KMO: variants seen among roughly 807,000 people sequenced by gnomAD.
KMO encodes kynurenine 3-hydroxylase.
Under a neutral mutation model 57.8 loss-of-function variants are expected in KMO, and 24 were observed. That is an observed-to-expected ratio of 0.42 (90% CI 0.30 to 0.58). The LOEUF (loss-of-function observed/expected upper bound fraction) is 0.58. KMO is among the 20% of genes least tolerant of loss of function. The probability of loss-of-function intolerance (pLI) is 0.22; values close to 1 mark genes in which losing one functional copy is unlikely to be tolerated. For synonymous variants in KMO, 210 were observed against 193.6 expected (o/e 1.08, Z -0.70); for missense variants, 483 against 588.2 (o/e 0.82, Z 1.85).
rs199779503 is a variant in KMO, at chr1:241,594,411, G to A, written c.*2258G>A. 85 of 1,605,460 alleles carry A rather than the reference G, an allele frequency of 5.3e-5. No homozygotes were observed. In the East Asian group the frequency reaches 1.2e-3, roughly 23 times the overall value. On this transcript the variant is annotated 3_prime_UTR_variant, in exon 15 of 15. Transcript: ENST00000366559. Reference sequence around the variant, plus strand: ...CATCCAATTTAAGGCCCCATCTTTCGTTGCCATTCTTCATTCCTACAAAGG... The same window carrying A: ...CATCCAATTTAAGGCCCCATCTTTCATTGCCATTCTTCATTCCTACAAAGG...
At chr1:241,558,185 A>G (rs1414535905) in intron 5 of KMO, among the ~76,000 whole-genome samples, 1 of 152,224 alleles carries the variant, frequency 6.6e-6, no homozygotes, top group Non-Finnish European at 1.5e-5. Flanking sequence ...TATATAAAAC[A>G]TCTGCTAATA....
intron 1 of KMO, among the ~76,000 whole-genome samples, chr1:241,532,721 A>G (rs541117727): frequency 6.6e-6 from 1 of 152,296 alleles, no homozygotes. Flanking sequence ...TTTTATAGCC[A>G]TTAAATACAA....
chr1:241,550,436 C>T (rs1661353512), intron 3 of KMO, among the ~76,000 whole-genome samples: 1 of 152,156 alleles, frequency 6.6e-6, no homozygotes, highest in South Asian at 2.1e-4. Flanking sequence ...TTTTCACTGT[C>T]TATGTTAGCT....
At chr1:241,568,367 T>C in intron 9 of KMO, 133 bp from the exon 10 acceptor site, 1 of 863,738 alleles carries the variant, frequency 1.2e-6, no homozygotes, top group Non-Finnish European at 1.8e-6. Context: ...AGTTTTTCCC[T>C]TTTCTGTTTT....
intron 4 of KMO, among the ~76,000 whole-genome samples, chr1:241,554,227 T>TTCCTTCCTTCC (rs1661517235): frequency 7.6e-6 from 1 of 132,036 alleles, no homozygotes; most frequent in Non-Finnish European, 1.6e-5. Flanking sequence ...AATACTTTTC[T>TTCCTTCCTTCC]TTCCTTCCTT....
intron 4 of KMO, among the ~76,000 whole-genome samples, chr1:241,551,558 A>T (rs1558416130): frequency 6.6e-6 from 1 of 152,054 alleles, no homozygotes; most frequent in Non-Finnish European, 1.5e-5. Flanking sequence ...ATGAAAGGAG[A>T]CTCATTATCC....
At chr1:241,533,088 G>A (rs905519277) in intron 1 of KMO, among the ~76,000 whole-genome samples, 7 of 152,352 alleles carry the variant, frequency 4.6e-5, no homozygotes, top group Middle Eastern at 6.8e-3. Flanking sequence ...AGCACGTGAC[G>A]TAAAGGTGCT....
chr1:241,584,143 T>C (rs767872129), intron 10 of KMO, among the ~76,000 whole-genome samples: 6 of 145,162 alleles, frequency 4.1e-5, no homozygotes, highest in Non-Finnish European at 9.1e-5. Flanking sequence ...CCCAACCCCA[T>C]GACAGCCCCC....
intron 1 of KMO, among the ~76,000 whole-genome samples, chr1:241,541,601 A>G (rs1660961302): frequency 6.6e-6 from 1 of 152,192 alleles, no homozygotes; most frequent in African/African-American, 2.4e-5. Context: ...AGGGAAAATC[A>G]AGACCACTGC....
Position 241,590,074 on chromosome 1 carries a change from T to C in KMO, c.1161T>C (p.His387=). ...IFQKNMERFL[H]AIMPSTFIPL... The stretch of plus-strand genomic sequence containing the variant: ...AGAAGAACATGGAGAGATTTCTTCA[T>C]GCGATTATGCCATCGACCTTTATCC... The change falls in exon 13 of 15, where the codon CAT becomes CAC. Residue 387 remains histidine, a synonymous_variant. Transcript: ENST00000366559. 6.2e-7 allele frequency: 1 copy of C among 1,614,072 alleles called. No individual in the cohort carries two copies. Among genetic ancestry groups the C allele is most frequent in the Non-Finnish European group, 8.5e-7 (1 of 1,179,918 alleles).
At chr1:241,565,209 A>G in intron 8 of KMO, 151 bp downstream of exon 8, 1 of 563,990 alleles carries the variant, frequency 1.8e-6, no homozygotes, top group African/African-American at 1.9e-5. Flanking sequence ...GGGATTACTG[A>G]GGAAAAATCT....
intron 10 of KMO, among the ~76,000 whole-genome samples, chr1:241,579,313 C>T (rs1424601224): frequency 6.6e-6 from 1 of 151,946 alleles, no homozygotes; most frequent in African/African-American, 2.4e-5. Flanking sequence ...ACGTGATGGG[C>T]AGGGTTATAA....
At chr1:241,550,247 C>G (rs1261357210) in intron 3 of KMO, among the ~76,000 whole-genome samples, 3 of 152,066 alleles carry the variant, frequency 2.0e-5, no homozygotes, top group Admixed American at 6.5e-5. Flanking sequence ...ATATGTTTTG[C>G]TACAGAAATT....
chr1:241,537,226 C>T (rs1007275049), intron 1 of KMO, among the ~76,000 whole-genome samples: 1 of 152,126 alleles, frequency 6.6e-6, no homozygotes, highest in Non-Finnish European at 1.5e-5. Flanking sequence ...TTCACACTTT[C>T]TCGCTCACAG....
chr1:241,569,209 T>C (rs982699136), intron 10 of KMO, among the ~76,000 whole-genome samples: 12 of 152,218 alleles, frequency 7.9e-5, no homozygotes, highest in African/African-American at 2.6e-4. Context: ...TTAAAATATA[T>C]AATAAATTAT....
At chr1:241,561,851 C>T (rs972619730) in intron 6 of KMO, among the ~76,000 whole-genome samples, 17 of 152,284 alleles carry the variant, frequency 1.1e-4, no homozygotes, top group African/African-American at 2.9e-4. Context: ...TACATTCATT[C>T]GTACACTTGG....
Position 241,573,875 on chromosome 1 carries a change from A to T in KMO, c.957+5228A>T, listed in dbSNP as rs146560173. On this transcript the variant is annotated intron_variant, in intron 10 of 14. Coordinates refer to ENST00000366559, the MANE Select transcript of KMO (RefSeq NM_003679.5). ...TTTTGGGTAGTATGGTCATATTAAC[A>T]ATATTGTATCTTCCAATCCATGAAC... Among the ~76,000 whole-genome samples, 213 of 152,208 alleles carry T rather than the reference A, an allele frequency of 1.4e-3. 2 individuals are homozygous for T. In the South Asian group the frequency reaches 0.03, roughly 22 times the overall value.
chr1:241,562,580 C>T (rs888891615), intron 7 of KMO, among the ~76,000 whole-genome samples: 2 of 152,194 alleles, frequency 1.3e-5, no homozygotes, highest in East Asian at 1.9e-4. Context: ...TGGCTCATGC[C>T]TGTAATCCCA....
chr1:241,554,625 T>C (rs908348712), intron 4 of KMO, among the ~76,000 whole-genome samples: 1 of 150,476 alleles, frequency 6.6e-6, no homozygotes, highest in Non-Finnish European at 1.5e-5. Flanking sequence ...ATTTTTACAA[T>C]ACGTTTAAGA....
Sources: allele counts gnomAD v4.1 joint callset (sites outside exome capture counted in the v4.1 genomes callset), GRCh38; gene constraint gnomAD v4.1.1; transcripts MANE v1.5; gene names NCBI Gene and HGNC (gene_info 2026-07-23, HGNC 2026-07-21).